The following CACNA2D3 variants were observed in gnomAD, a reference collection of about 807,000 sequenced individuals.
The protein encoded by CACNA2D3 is calcium voltage-gated channel auxiliary subunit alpha2delta 3, also known as voltage-dependent calcium channel subunit alpha-2/delta-3.
CACNA2D3 carries 60 observed loss-of-function variants against 160.6 expected under a neutral mutation model. The ratio of observed to expected loss-of-function variants is 0.37; its 90% CI spans 0.30 to 0.46. CACNA2D3 has a LOEUF of 0.46. CACNA2D3 is among the 20% of genes least tolerant of loss of function. The probability of loss-of-function intolerance (pLI) is 1.00; values close to 1 mark genes in which losing one functional copy is unlikely to be tolerated. For synonymous variants in CACNA2D3, 558 were observed against 492.9 expected (o/e 1.13, Z -1.75); for missense variants, 1,205 against 1,365.0 (o/e 0.88, Z 1.85).
intron 5 of CACNA2D3, among the ~76,000 whole-genome samples, chr3:54,561,727 G>A (rs1357733247): frequency 6.6e-6 from 1 of 152,186 alleles, no homozygotes; most frequent in Non-Finnish European, 1.5e-5. Context: ...CATGGCAGAA[G>A]AGCAAATGAT....
intron 2 of CACNA2D3, among the ~76,000 whole-genome samples, chr3:54,288,752 GC>G (rs1337671967): frequency 1.3e-5 from 2 of 152,150 alleles, no homozygotes; most frequent in African/African-American, 4.8e-5. Flanking sequence ...TCCCTGGGAT[GC>G]AAGGCTGGTT....
chr3:54,611,849 T>C (rs1249514170), intron 9 of CACNA2D3, among the ~76,000 whole-genome samples: 1 of 152,222 alleles, frequency 6.6e-6, no homozygotes, highest in Non-Finnish European at 1.5e-5. Flanking sequence ...TTATGTGGCA[T>C]TTTCTGTTTT....
At chr3:54,468,339 T>C (rs1179234975) in intron 4 of CACNA2D3, among the ~76,000 whole-genome samples, 2 of 152,000 alleles carry the variant, frequency 1.3e-5, no homozygotes, top group Non-Finnish European at 2.9e-5. Context: ...GTTGGGGAGC[T>C]CCCTCCCCTA....
chr3:54,362,874 G>C lies in CACNA2D3; in HGVS notation c.322-23841G>C, dbSNP rs1698766180. On this transcript the variant is annotated intron_variant, in intron 3 of 37. Transcript: ENST00000474759. The stretch of plus-strand genomic sequence containing the variant: ...TCGCAATGAGATGGGAACAGAAATT[G>C]AGTATAAGTGTTAAATATTTATAAG... Among the ~76,000 whole-genome samples, 2 of 152,326 alleles carry C rather than the reference G, an allele frequency of 1.3e-5. 1 individual carries two copies. The highest frequency in any genetic ancestry group is 1.3e-4 in the Admixed American group (2 of 15,294).
intron 2 of CACNA2D3, among the ~76,000 whole-genome samples, chr3:54,275,597 C>T (rs1032645453): frequency 1.3e-5 from 2 of 152,170 alleles, no homozygotes; most frequent in African/African-American, 4.8e-5. Context: ...CTGACAGACA[C>T]TAAAAGGTGA....
At chr3:54,279,604 A>G (rs1401926901) in intron 2 of CACNA2D3, among the ~76,000 whole-genome samples, 1 of 152,204 alleles carries the variant, frequency 6.6e-6, no homozygotes, top group Non-Finnish European at 1.5e-5. Flanking sequence ...AGAACTTTCC[A>G]TCTCTGTCCC....
chr3:54,360,265 G>T (rs751226364), intron 3 of CACNA2D3, among the ~76,000 whole-genome samples: 2 of 152,126 alleles, frequency 1.3e-5, no homozygotes, highest in African/African-American at 2.4e-5. Flanking sequence ...GATTGATTTC[G>T]GTCAGGCCAG....
chr3:54,777,473 A>G (rs527951978), intron 13 of CACNA2D3, among the ~76,000 whole-genome samples: 133 of 152,372 alleles, frequency 8.7e-4, no homozygotes, highest in Middle Eastern at 6.8e-3. Flanking sequence ...TTCTGAACAA[A>G]GAAAGGAAAA....
chr3:54,446,300 A>C (rs1700220782), intron 4 of CACNA2D3, among the ~76,000 whole-genome samples: 1 of 152,172 alleles, frequency 6.6e-6, no homozygotes, highest in Non-Finnish European at 1.5e-5. Flanking sequence ...TTGGTCAAGA[A>C]CTTTCATGGG....
chr3:54,160,513 T>A (rs930705393), intron 2 of CACNA2D3, among the ~76,000 whole-genome samples: 1 of 151,814 alleles, frequency 6.6e-6, no homozygotes, highest in Non-Finnish European at 1.5e-5. Flanking sequence ...AAAAATAAAA[T>A]AAAATAAAAT....
chr3:54,307,553 A>G (rs1242256125), intron 2 of CACNA2D3, among the ~76,000 whole-genome samples: 1 of 152,168 alleles, frequency 6.6e-6, no homozygotes, highest in Non-Finnish European at 1.5e-5. Context: ...ATGGGAAGGA[A>G]GACTCAGCCA....
chr3:54,569,687 T>A, intron 6 of CACNA2D3, 108 bp from the exon 7 acceptor site: 1 of 898,784 alleles, frequency 1.1e-6, no homozygotes, highest in Non-Finnish European at 1.8e-6. Flanking sequence ...GGTCTTTGCA[T>A]GTGATTTTTC....
At chr3:54,684,545 A>G (rs1159184179) in intron 11 of CACNA2D3, among the ~76,000 whole-genome samples, 1 of 152,170 alleles carries the variant, frequency 6.6e-6, no homozygotes, top group Admixed American at 6.5e-5. Context: ...CTGAGTGGAC[A>G]CTGCAGACAA....
At chr3:54,595,280 CAT>C (rs1702931103) in intron 9 of CACNA2D3, among the ~76,000 whole-genome samples, 1 of 151,500 alleles carries the variant, frequency 6.6e-6, no homozygotes, top group Non-Finnish European at 1.5e-5. Context: ...TGTGGCTGTA[CAT>C]AGACAGGTCT....
intron 2 of CACNA2D3, among the ~76,000 whole-genome samples, chr3:54,149,436 A>G (rs1453229621): frequency 2.6e-5 from 4 of 152,154 alleles, no homozygotes; most frequent in Non-Finnish European, 5.9e-5. Flanking sequence ...GGCCCACACA[A>G]GTCCAAGAAG....
At chr3:54,542,968 G>T (rs777631587) in intron 5 of CACNA2D3, among the ~76,000 whole-genome samples, 6 of 152,196 alleles carry the variant, frequency 3.9e-5, no homozygotes, top group African/African-American at 1.4e-4. Context: ...GGTCATATTC[G>T]TTGGAATTAC....
At chr3:54,204,336 A>C (rs1282483327) in intron 2 of CACNA2D3, among the ~76,000 whole-genome samples, 1 of 151,176 alleles carries the variant, frequency 6.6e-6, no homozygotes, top group East Asian at 2.0e-4. Context: ...TATATACCAT[A>C]TATATAACCA....
intron 27 of CACNA2D3, among the ~76,000 whole-genome samples, chr3:54,965,243 C>T (rs1702122466): frequency 6.6e-6 from 1 of 151,616 alleles, no homozygotes; most frequent in Admixed American, 6.6e-5. Flanking sequence ...CTCTGGCCTA[C>T]GTACTCTTGA....
intron 4 of CACNA2D3, among the ~76,000 whole-genome samples, chr3:54,486,506 G>A (rs1701017436): frequency 6.6e-6 from 1 of 152,124 alleles, no homozygotes; most frequent in African/African-American, 2.4e-5. Flanking sequence ...ACTAATCTAG[G>A]CGTTCCAAGA....
Sources: gnomAD v4.1 joint callset for allele counts (sites outside exome capture counted in the v4.1 genomes callset) on GRCh38, gnomAD v4.1.1 for gene constraint, MANE v1.5 for transcripts, NCBI Gene and HGNC (gene_info 2026-07-23, HGNC 2026-07-21) for gene names.